The following CDH12 variants were observed in gnomAD, a reference collection of about 807,000 sequenced individuals.
The protein encoded by CDH12 is cadherin-12.
Under a neutral mutation model 74.1 loss-of-function variants are expected in CDH12, and 41 were observed. The observed-to-expected ratio is 0.55, with a 90% confidence interval of 0.43 to 0.72. The LOEUF (loss-of-function observed/expected upper bound fraction) is 0.72. Ranked by LOEUF, CDH12 falls within the 30% of genes least tolerant of loss-of-function variation. The probability of loss-of-function intolerance (pLI) is 0.00; values close to 1 mark genes in which losing one functional copy is unlikely to be tolerated. For synonymous variants in CDH12, 399 were observed against 355.0 expected (o/e 1.12, Z -1.39); for missense variants, 945 against 977.2 (o/e 0.97, Z 0.44).
chr5:21,773,698 A>G (rs1561172175), intron 11 of CDH12, among the ~76,000 whole-genome samples: 1 of 151,628 alleles, frequency 6.6e-6, no homozygotes, highest in East Asian at 1.9e-4. Context: ...ATCTTAATAA[A>G]CTCCCCTTCA....
intron 1 of CDH12, among the ~76,000 whole-genome samples, chr5:22,695,164 T>G (rs1461755126): frequency 6.6e-6 from 1 of 152,166 alleles, no homozygotes; most frequent in African/African-American, 2.4e-5. Flanking sequence ...GCAAAGGACA[T>G]GAACTCATTC....
intron 6 of CDH12, among the ~76,000 whole-genome samples, chr5:21,920,181 G>A (rs146935091): frequency 1.9e-4 from 29 of 152,266 alleles, no homozygotes; most frequent in African/African-American, 7.0e-4. Context: ...CCCAGGTACT[G>A]TTTCAGAAAA....
intron 2 of CDH12, among the ~76,000 whole-genome samples, chr5:22,468,080 C>A (rs918755815): frequency 6.6e-6 from 1 of 152,106 alleles, no homozygotes; most frequent in Non-Finnish European, 1.5e-5. Flanking sequence ...GGACCCAATA[C>A]CCCCACCAGT....
Position 22,562,343 on chromosome 5 carries a change from C to CA in CDH12, c.-522-56980dup, listed in dbSNP as rs1008490273. ...AAAACAAAAACAAAAAACAAACAAA[C>CA]AAAAAAAAACATACATAGAGATTAT... On this transcript the variant is annotated intron_variant, in intron 1 of 14. Transcript: ENST00000382254. Among the ~76,000 whole-genome samples the CA allele has an allele frequency of 2.1e-4, 32 of 149,904 alleles. No homozygotes were observed. In the East Asian group the frequency reaches 3.1e-3, roughly 15 times the overall value.
At chr5:22,062,511 T>C (rs1044643541) in intron 5 of CDH12, among the ~76,000 whole-genome samples, 1 of 152,142 alleles carries the variant, frequency 6.6e-6, no homozygotes, top group African/African-American at 2.4e-5. Context: ...CTAAAAACGC[T>C]TTTAAAAAGA....
At chr5:21,986,196 C>T (rs1315790041) in intron 5 of CDH12, among the ~76,000 whole-genome samples, 1 of 152,048 alleles carries the variant, frequency 6.6e-6, no homozygotes, top group Non-Finnish European at 1.5e-5. Flanking sequence ...GCCAAAGAAG[C>T]TCACAGAAGA....
At chr5:21,980,417 A>AT (rs1282751936) in intron 5 of CDH12, among the ~76,000 whole-genome samples, 1 of 152,108 alleles carries the variant, frequency 6.6e-6, no homozygotes, top group African/African-American at 2.4e-5. Flanking sequence ...ATTACAAAAC[A>AT]TTTTTTAAGG....
chr5:22,092,790 C>A (rs762733388), intron 4 of CDH12, among the ~76,000 whole-genome samples: 1 of 152,024 alleles, frequency 6.6e-6, no homozygotes, highest in Non-Finnish European at 1.5e-5. Flanking sequence ...CACACAAAAA[C>A]CTGTATACAT....
intron 2 of CDH12, among the ~76,000 whole-genome samples, chr5:22,450,359 T>C (rs1033668574): frequency 2.6e-5 from 4 of 152,034 alleles, no homozygotes; most frequent in South Asian, 4.1e-4. Context: ...AAGAGAAATA[T>C]GGATCCACCT....
At chr5:22,053,025 A>G (rs1481957656) in intron 5 of CDH12, among the ~76,000 whole-genome samples, 3 of 151,686 alleles carry the variant, frequency 2.0e-5, no homozygotes, top group Non-Finnish European at 4.4e-5. Flanking sequence ...TTGAATGATG[A>G]TATATTTTTT....
intron 11 of CDH12, among the ~76,000 whole-genome samples, chr5:21,778,041 C>T (rs1745690125): frequency 6.6e-6 from 1 of 152,146 alleles, no homozygotes; most frequent in African/African-American, 2.4e-5. Flanking sequence ...ATTAATTCCT[C>T]CTATCTAACT....
chr5:22,693,514 G>T (rs6452089), intron 1 of CDH12, among the ~76,000 whole-genome samples: 91,808 of 151,772 alleles, frequency 0.6, 28,305 homozygotes, highest in Admixed American at 0.7. Flanking sequence ...CATTTTGTGT[G>T]CCTTTTCTTT....
chr5:22,181,720 T>C (rs1225272910), intron 4 of CDH12, among the ~76,000 whole-genome samples: 1 of 152,086 alleles, frequency 6.6e-6, no homozygotes, highest in Non-Finnish European at 1.5e-5. Context: ...TCCATCAATA[T>C]CTGTCTTTTT....
At chr5:22,716,523 C>A (rs1466256773) in intron 1 of CDH12, among the ~76,000 whole-genome samples, 2 of 151,622 alleles carry the variant, frequency 1.3e-5, no homozygotes, top group Admixed American at 1.3e-4. Flanking sequence ...AATAATAATT[C>A]TATCATTGGT....
intron 6 of CDH12, among the ~76,000 whole-genome samples, chr5:21,900,391 A>G (rs1753330714): frequency 6.6e-6 from 1 of 152,236 alleles, no homozygotes; most frequent in African/African-American, 2.4e-5. Context: ...CAATCTATAT[A>G]TGACAGGTAT....
At position 22,315,073 on chromosome 5, in the gene CDH12, G is replaced by GCCTCCTT. The variant is rs1296958151; in HGVS notation, c.-333+90183_-333+90184insAAGGAGG. On this transcript the variant is annotated intron_variant, in intron 3 of 14. Coordinates refer to ENST00000382254, the MANE Select transcript of CDH12 (RefSeq NM_004061.5). ...GGTTCATGCCATTCTCCTGCCTCCT[G>GCCTCCTT]CCTCAGTAGCCAGGACTACAGGCGC... Among the ~76,000 whole-genome samples the GCCTCCTT allele has an allele frequency of 9.5e-5, 11 of 115,676 alleles. 2 individuals carry two copies. Among genetic ancestry groups the GCCTCCTT allele is most frequent in the Middle Eastern group, 5.8e-3 (1 of 172 alleles). The allele number at this position is 115,676 out of a possible 152,430, so 75.9% of individuals were successfully genotyped here.
chr5:22,100,072 A>G (rs974778291), intron 4 of CDH12, among the ~76,000 whole-genome samples: 11 of 151,860 alleles, frequency 7.2e-5, no homozygotes, highest in African/African-American at 2.4e-4. Context: ...ATCCCCCAAA[A>G]TTTTCGCTGT....
intron 3 of CDH12, among the ~76,000 whole-genome samples, chr5:22,325,497 A>T (rs1240261059): frequency 5.3e-5 from 8 of 152,178 alleles, no homozygotes; most frequent in Non-Finnish European, 8.8e-5. Context: ...AAACAAATGG[A>T]AGGATCTAAA....
chr5:21,795,413 G>A (rs1347508009), intron 10 of CDH12, among the ~76,000 whole-genome samples: 1 of 151,806 alleles, frequency 6.6e-6, no homozygotes, highest in Non-Finnish European at 1.5e-5. Flanking sequence ...ATACTTAGCT[G>A]AAATTAGTAT....
Sources: gnomAD v4.1 joint callset for allele counts (sites outside exome capture counted in the v4.1 genomes callset) on GRCh38, gnomAD v4.1.1 for gene constraint, MANE v1.5 for transcripts, NCBI Gene and HGNC (gene_info 2026-07-23, HGNC 2026-07-21) for gene names.